SRSF11: variants seen among roughly 807,000 people sequenced by gnomAD.
SRSF11 encodes the protein serine/arginine-rich splicing factor 11.
In SRSF11, 9 loss-of-function variants were observed where a neutral mutation model predicts 56.0. The ratio of observed to expected loss-of-function variants is 0.16; its 90% confidence interval spans 0.10 to 0.28. The LOEUF (loss-of-function observed/expected upper bound fraction) is 0.28. SRSF11 is among the 10% of genes least tolerant of loss of function. The probability of loss-of-function intolerance (pLI) is 1.00; values close to 1 mark genes in which losing one functional copy is unlikely to be tolerated. For missense variants in SRSF11, 421 were observed against 600.7 expected (o/e 0.70, Z 3.13); for synonymous variants, 222 against 215.3 (o/e 1.03, Z -0.27).
intron 2 of SRSF11, chr1:70,229,032 A>C (rs776713512): frequency 1.9e-5 from 19 of 984,772 alleles, no homozygotes; most frequent in Non-Finnish European, 2.3e-5. Context: ...TCAGTATACC[A>C]AGGGTTGCAG....
At chr1:70,221,332 C>T, upstream of SRSF11, 2 of 376,258 alleles carry the variant, frequency 5.3e-6, no homozygotes, top group Non-Finnish European at 4.8e-6. Flanking sequence ...GTGGAGCCGA[C>T]GCTGACGCGC....
Position 70,250,595 on chromosome 1 carries a change from C to T in SRSF11, c.1258-13C>T. ...TTTGGAGAAGTTTACTTTTATTATT[C>T]TCCTTGGCAAAGCAGGTTACACGGG... On this transcript the variant is annotated splice_polypyrimidine_tract_variant and intron_variant, in intron 11 of 11. Transcript: ENST00000370949. The T allele has an allele frequency of 6.2e-7, 1 of 1,608,956 alleles. No individual in the cohort carries two copies. The highest frequency in any genetic ancestry group is 8.5e-7 in the Non-Finnish European group (1 of 1,178,022).
intron 7 of SRSF11, among the ~76,000 whole-genome samples, chr1:70,243,260 T>C (rs927927752): frequency 1.5e-5 from 2 of 133,606 alleles, no homozygotes; most frequent in African/African-American, 5.6e-5. Flanking sequence ...AATCCACATA[T>C]AGGAAAACTC....
At chr1:70,239,266 A>AT (rs1013999893) in intron 6 of SRSF11, among the ~76,000 whole-genome samples, 173 bp from the exon 7 acceptor site, 2 of 151,768 alleles carry the variant, frequency 1.3e-5, no homozygotes, top group African/African-American at 4.8e-5. Context: ...TAATTTTTGT[A>AT]TTTTTTGTAG....
chr1:70,221,681 C>T lies in SRSF11; in HGVS notation c.45C>T (p.Pro15=), dbSNP rs555596967. ...TCCCCAGCACTGCAGGTCCGGGCCCCAGCGGCGGGCCCGGTGGCGGAGGTG... is the reference window on the plus strand; with the variant it reads ...TCCCCAGCACTGCAGGTCCGGGCCCTAGCGGCGGGCCCGGTGGCGGAGGTG... The part of the protein sequence containing the change: ...TVVPSTAGPG[P]SGGPGGGGGG... Residue 15 remains proline (P), a synonymous_variant, in exon 1 of 12, where the codon CCC becomes CCT. Transcript: ENST00000370949. 127 of 1,612,946 alleles carry T rather than the reference C, an allele frequency of 7.9e-5. 1 individual carries two copies. In the African/African-American group the frequency reaches 1.6e-3, roughly 20 times the overall value.
chr1:70,215,423 G>T (rs976632245), intron 1 of SRSF11, among the ~76,000 whole-genome samples: 3 of 152,182 alleles, frequency 2.0e-5, no homozygotes, highest in Non-Finnish European at 4.4e-5. Flanking sequence ...TGCCTTACAA[G>T]AATTGAGCAG....
chr1:70,207,857 C>T (rs1270516250), intron 1 of SRSF11, among the ~76,000 whole-genome samples: 2 of 152,014 alleles, frequency 1.3e-5, no homozygotes, highest in African/African-American at 4.8e-5. Flanking sequence ...TCCTGAGTAG[C>T]CATCACACCA....
chr1:70,221,690 G>T lies in SRSF11; in HGVS notation c.54G>T (p.Gly18=). 1 of 1,612,434 alleles carries T rather than the reference G, an allele frequency of 6.2e-7. No individual in the cohort carries two copies. Among genetic ancestry groups the T allele is most frequent in the Non-Finnish European group, 8.5e-7 (1 of 1,178,840 alleles). ...CTGCAGGTCCGGGCCCCAGCGGCGG[G>T]CCCGGTGGCGGAGGTGGTGGTGGCG... The part of the protein sequence containing the change: ...PSTAGPGPSG[G]PGGGGGGGGG... The change falls in exon 1 of 12, where the codon GGG becomes GGT. Residue 18 remains glycine, a synonymous_variant. Coordinates refer to ENST00000370949, the MANE Select transcript of SRSF11 (RefSeq NM_001350605.2).
chr1:70,234,835 C>A, intron 4 of SRSF11, 47 bp downstream of exon 4: 2 of 1,462,034 alleles, frequency 1.4e-6, no homozygotes, highest in South Asian at 1.2e-5. Flanking sequence ...TACAGAAGAT[C>A]TGTTTCATTA....
chr1:70,222,520 T>TG (rs1161381715), intron 1 of SRSF11, among the ~76,000 whole-genome samples: 2 of 152,254 alleles, frequency 1.3e-5, no homozygotes. Flanking sequence ...TTATCCTTTT[T>TG]GTCTCACTTT....
Position 70,252,075 on chromosome 1 carries a change from T to C in SRSF11, c.*1270T>C, listed in dbSNP as rs1026612737. On this transcript the variant is annotated 3_prime_UTR_variant, in exon 12 of 12. Transcript: ENST00000370949. Reference sequence around the variant, plus strand: ...TGTATGACATTTACCTCATTCATTTTACAAATTCTTTCCCTTTCTGTCCAC... The same window carrying C: ...TGTATGACATTTACCTCATTCATTTCACAAATTCTTTCCCTTTCTGTCCAC... 2.6e-5 allele frequency: 4 copies of C among 152,618 alleles called. No homozygotes were observed. Among genetic ancestry groups the C allele is most frequent in the Non-Finnish European group, 5.9e-5 (4 of 67,998 alleles). The allele number at this position is 152,618 out of a possible 1,614,324, so 9.5% of individuals were successfully genotyped here.
intron 1 of SRSF11, among the ~76,000 whole-genome samples, chr1:70,228,007 A>G (rs1672183782): frequency 6.6e-6 from 1 of 152,178 alleles, no homozygotes; most frequent in Admixed American, 6.5e-5. Context: ...CATGATATTC[A>G]TTTGTCCCTG....
intron 5 of SRSF11, among the ~76,000 whole-genome samples, chr1:70,235,847 T>C (rs1673867288): frequency 6.6e-6 from 1 of 152,188 alleles, no homozygotes; most frequent in African/African-American, 2.4e-5. Flanking sequence ...GTCCTGAGGA[T>C]AGTAGGAGTT....
intron 3 of SRSF11, among the ~76,000 whole-genome samples, chr1:70,233,053 G>A (rs1388506543): frequency 6.6e-6 from 1 of 152,060 alleles, no homozygotes. Flanking sequence ...CTAAATAATT[G>A]ACTAATTGAC....
Position 70,237,015 on chromosome 1 carries a change from C to G in SRSF11, c.591-410C>G, listed in dbSNP as rs2100827774. ...TGTTAGCCAGTATGATCTCGATCTC[C>G]TGACCTCGTGATCCACCTGCCTTGG... On this transcript the variant is annotated intron_variant, in intron 5 of 11. Coordinates refer to ENST00000370949, the MANE Select transcript of SRSF11 (RefSeq NM_001350605.2). 1.3e-5 allele frequency among the ~76,000 whole-genome samples: 2 copies of G among 152,044 alleles called. 1 individual carries two copies. Among genetic ancestry groups the G allele is most frequent in the South Asian group, 4.2e-4 (2 of 4,810 alleles).
chr1:70,232,251 A>G lies in SRSF11; in HGVS notation c.338-17A>G, dbSNP rs1672979499. 1 of 1,614,138 alleles carries G rather than the reference A, an allele frequency of 6.2e-7. No homozygotes were observed. On this transcript the variant is annotated splice_polypyrimidine_tract_variant and intron_variant, in intron 2 of 11. Coordinates refer to ENST00000370949, the MANE Select transcript of SRSF11 (RefSeq NM_001350605.2). ...TTAGAAAAGAATGTGTTCTAATGCAAGGATGTTTCTCTGCAGGAGTTATTC... is the reference window on the plus strand; with the variant it reads ...TTAGAAAAGAATGTGTTCTAATGCAGGGATGTTTCTCTGCAGGAGTTATTC...
chr1:70,238,583 T>C (rs538716363), intron 6 of SRSF11, among the ~76,000 whole-genome samples: 1 of 152,324 alleles, frequency 6.6e-6, no homozygotes, highest in South Asian at 2.1e-4. Context: ...ATTTACACAA[T>C]TGAAAATTGG....
chr1:70,246,669 G>A (rs1317991278), intron 8 of SRSF11, 149 bp from the exon 9 acceptor site: 9 of 479,424 alleles, frequency 1.9e-5, no homozygotes, highest in Admixed American at 1.7e-4. Context: ...GCCACATAAA[G>A]TATTATTTTT....
chr1:70,233,787 G>A (rs1673358263), intron 3 of SRSF11, among the ~76,000 whole-genome samples: 2 of 152,316 alleles, frequency 1.3e-5, no homozygotes, highest in Middle Eastern at 6.8e-3. Context: ...TTCATGGTTT[G>A]TGTCTATTAC....
Sources: gnomAD v4.1 joint callset for allele counts (sites outside exome capture counted in the v4.1 genomes callset) on GRCh38, gnomAD v4.1.1 for gene constraint, MANE v1.5 for transcripts, NCBI Gene and HGNC (gene_info 2026-07-23, HGNC 2026-07-21) for gene names.